The following DLC1 variants were observed in gnomAD, a reference collection of about 807,000 sequenced individuals.
DLC1 encodes DLC1 Rho GTPase activating protein.
A neutral mutation model predicts 140.3 loss-of-function variants in DLC1; 54 were observed. The observed-to-expected ratio is 0.38, with a 90% CI of 0.31 to 0.48. DLC1 has a LOEUF of 0.48. Among genes scored for constraint, DLC1 ranks in the 20% least tolerant of loss-of-function variants. The pLI, the probability that DLC1 is intolerant of heterozygous loss-of-function variation, is 0.96. For synonymous variants in DLC1, 986 were observed against 728.1 expected (o/e 1.35, Z -5.70); for missense variants, 2,536 against 1,907.0 (o/e 1.33, Z -6.14).
chr8:13,232,612 T>C (rs1208422887), intron 5 of DLC1, among the ~76,000 whole-genome samples: 1 of 152,208 alleles, frequency 6.6e-6, no homozygotes, highest in Non-Finnish European at 1.5e-5. Context: ...ATTACAGGCA[T>C]GAGCCACGGT....
Position 13,085,902 on chromosome 8 carries a change from G to C in DLC1, c.4496C>G (p.Ser1499Cys). ...RGHMPEWYTK[S>C]FGHLCAAEVV... ...TTCAGCTGCACACAAATGTCCAAAA[G>C]ATTTTGTGTACCATTCTGGCATGTG... is the stretch of plus-strand genomic sequence containing the variant. The change falls in exon 18 of 18, where the codon TCT becomes TGT. Residue 1499 changes from serine to cysteine, a missense_variant. By Grantham distance (112) the Ser-to-Cys change is moderately radical (BLOSUM62 -1). Transcript: ENST00000276297. 1 of 1,614,122 alleles carries C rather than the reference G, an allele frequency of 6.2e-7. No homozygotes were observed.
chr8:13,226,739 A>C (rs757209682), intron 5 of DLC1, among the ~76,000 whole-genome samples: 3 of 152,236 alleles, frequency 2.0e-5, no homozygotes, highest in Non-Finnish European at 4.4e-5. Flanking sequence ...TATAGGAATT[A>C]GAGGCTACCC....
At chr8:13,249,614 C>T (rs1214609125) in intron 5 of DLC1, among the ~76,000 whole-genome samples, 2 of 152,186 alleles carry the variant, frequency 1.3e-5, no homozygotes, top group African/African-American at 4.8e-5. Flanking sequence ...CTTTCTCAGA[C>T]TTCCAACCTA....
intron 5 of DLC1, among the ~76,000 whole-genome samples, chr8:13,117,844 A>G (rs1441713847): frequency 6.6e-6 from 1 of 152,224 alleles, no homozygotes; most frequent in African/African-American, 2.4e-5. Context: ...TGCTTTACTA[A>G]GAGAAATAGT....
chr8:13,093,410 A>T (rs1028785871), intron 12 of DLC1, among the ~76,000 whole-genome samples: 31 of 152,186 alleles, frequency 2.0e-4, no homozygotes, highest in African/African-American at 7.5e-4. Flanking sequence ...TTCAATTAAT[A>T]AATAAAACAC....
intron 4 of DLC1, among the ~76,000 whole-genome samples, chr8:13,320,107 G>A (rs936249337): frequency 1.2e-4 from 18 of 152,052 alleles, no homozygotes; most frequent in African/African-American, 1.9e-4. Flanking sequence ...CACCATGCCT[G>A]GCCCATTATT....
intron 4 of DLC1, among the ~76,000 whole-genome samples, chr8:13,379,637 CTTATT>C (rs938749819): frequency 1.4e-4 from 22 of 152,070 alleles, no homozygotes; most frequent in African/African-American, 4.8e-4. Context: ...GAAATCCATC[CTTATT>C]TTATTTTATT....
intron 5 of DLC1, among the ~76,000 whole-genome samples, chr8:13,155,294 T>C (rs908973410): frequency 6.6e-6 from 1 of 152,014 alleles, no homozygotes; most frequent in African/African-American, 2.4e-5. Flanking sequence ...ATTGCTTCAG[T>C]AAATATCCTG....
At chr8:13,575,080 T>C (rs1468681769) in intron 1 of DLC1, among the ~76,000 whole-genome samples, 5 of 152,198 alleles carry the variant, frequency 3.3e-5, no homozygotes, top group Non-Finnish European at 5.9e-5. Context: ...TAGTTGATAA[T>C]TACCCTTTGG....
At chr8:13,241,126 T>C (rs1829528261) in intron 5 of DLC1, among the ~76,000 whole-genome samples, 1 of 152,194 alleles carries the variant, frequency 6.6e-6, no homozygotes, top group Admixed American at 6.5e-5. Flanking sequence ...TCAAGGTCTA[T>C]CTGAAGAATA....
chr8:13,477,630 G>A (rs1333876352), intron 2 of DLC1, among the ~76,000 whole-genome samples: 1 of 152,214 alleles, frequency 6.6e-6, no homozygotes, highest in African/African-American at 2.4e-5. Context: ...AGACTGTGTA[G>A]AATGAGCTTG....
chr8:13,579,260 A>ATATATATATATATATATG (rs1182154684), intron 1 of DLC1, among the ~76,000 whole-genome samples: 1 of 109,468 alleles, frequency 9.1e-6, no homozygotes. Flanking sequence ...ATATATATAT[A>ATATATATATATATATATG]TATATATATG....
chr8:13,367,771 C>T (rs7833624), intron 4 of DLC1, among the ~76,000 whole-genome samples: 20,805 of 152,142 alleles, frequency 0.14, 1,602 homozygotes, highest in South Asian at 0.19. Flanking sequence ...ATGAATTCTG[C>T]AGGTTTGGCC....
At chr8:13,498,595 T>A (rs559909281) in intron 2 of DLC1, among the ~76,000 whole-genome samples, 1 of 152,208 alleles carries the variant, frequency 6.6e-6, no homozygotes, top group Non-Finnish European at 1.5e-5. Flanking sequence ...ATTTTAAATA[T>A]GTGATTTATA....
At position 13,182,899 on chromosome 8, in the gene DLC1, T is replaced by C. The variant is rs144171047; in HGVS notation, c.1349-67242A>G. Reference sequence around the variant, plus strand: ...ATGGGGATGCCATTGAATCTGTAAATTAGCTTGGGCAGTATGGCCATTTTC... The same window carrying C: ...ATGGGGATGCCATTGAATCTGTAAACTAGCTTGGGCAGTATGGCCATTTTC... On this transcript the variant is annotated intron_variant, in intron 5 of 17. Coordinates refer to ENST00000276297, the MANE Select transcript of DLC1 (RefSeq NM_182643.3). Among the ~76,000 whole-genome samples the C allele has an allele frequency of 6.0e-4, 91 of 152,332 alleles. 3 individuals are homozygous for C. The East Asian group carries it at 0.017, about 29-fold the overall frequency.
At chr8:13,479,835 G>GAAAGAAAGAAAGA (rs376854781) in intron 2 of DLC1, among the ~76,000 whole-genome samples, 1 of 39,462 alleles carries the variant, frequency 2.5e-5, no homozygotes, top group South Asian at 8.0e-4. Context: ...AGAAGAAGAA[G>GAAAGAAAGAAAGA]AAGAAGAAGA....
At chr8:13,420,109 TC>T (rs1345323051) in intron 2 of DLC1, among the ~76,000 whole-genome samples, 3 of 152,202 alleles carry the variant, frequency 2.0e-5, no homozygotes, top group African/African-American at 7.2e-5. Context: ...TCTCTTTTTT[TC>T]TTTATTAGTC....
At chr8:13,314,337 GT>G (rs1413145262) in intron 4 of DLC1, among the ~76,000 whole-genome samples, 3 of 148,244 alleles carry the variant, frequency 2.0e-5, no homozygotes, top group Non-Finnish European at 4.5e-5. Context: ...AAATATATGT[GT>G]AATATACATG....
At chr8:13,570,813 T>A (rs1804625863) in intron 1 of DLC1, among the ~76,000 whole-genome samples, 1 of 152,108 alleles carries the variant, frequency 6.6e-6, no homozygotes, top group Non-Finnish European at 1.5e-5. Flanking sequence ...GACTCAAAAG[T>A]TGAAAGAATA....
Sources: gnomAD v4.1 joint callset for allele counts (sites outside exome capture counted in the v4.1 genomes callset) on GRCh38, gnomAD v4.1.1 for gene constraint, MANE v1.5 for transcripts, NCBI Gene and HGNC (gene_info 2026-07-23, HGNC 2026-07-21) for gene names.